GRIK2: variants seen among roughly 807,000 people sequenced by gnomAD.
The protein encoded by GRIK2 is glutamate receptor ionotropic, kainate 2.
Under a neutral mutation model 100.3 loss-of-function variants are expected in GRIK2, and 32 were observed. That is an observed-to-expected ratio of 0.32 (90% CI 0.24 to 0.43). The LOEUF (loss-of-function observed/expected upper bound fraction) is 0.43. Ranked by LOEUF, GRIK2 falls within the 20% of genes least tolerant of loss-of-function variation. The pLI is 1.00. For missense variants in GRIK2, 843 were observed against 1,114.9 expected (o/e 0.76, Z 3.47); for synonymous variants, 417 against 389.4 (o/e 1.07, Z -0.83).
chr6:101,548,811 G>A (rs575322557), intron 2 of GRIK2, among the ~76,000 whole-genome samples: 9 of 152,230 alleles, frequency 5.9e-5, no homozygotes, highest in South Asian at 4.1e-4. Flanking sequence ...TACAAAAATC[G>A]TATGAAGTAG....
chr6:101,482,840 A>G (rs1772605466), intron 2 of GRIK2, among the ~76,000 whole-genome samples: 1 of 152,002 alleles, frequency 6.6e-6, no homozygotes, highest in South Asian at 2.1e-4. Context: ...CAGCTGGTAT[A>G]ACCTTCTCTG....
chr6:101,545,253 T>C (rs2128290077), intron 2 of GRIK2, among the ~76,000 whole-genome samples: 1 of 152,304 alleles, frequency 6.6e-6, no homozygotes, highest in African/African-American at 2.4e-5. Context: ...AGTGCTTCTG[T>C]TATCTACCTC....
chr6:101,472,159 T>C (rs1270453269), intron 2 of GRIK2, among the ~76,000 whole-genome samples: 1 of 151,944 alleles, frequency 6.6e-6, no homozygotes, highest in Non-Finnish European at 1.5e-5. Flanking sequence ...TCTTTTATTT[T>C]TTTCAGATGG....
rs151223537 is a variant in GRIK2, at chr6:101,740,247, C to G, written c.951+53894C>G. On this transcript the variant is annotated intron_variant, in intron 7 of 16. Transcript: ENST00000369134. ...CTGCTCTCTGCACTGGCTTATCCTT[C>G]CCAAATACTCCATGTTTCTGAGTGG... is the stretch of plus-strand genomic sequence containing the variant. 2.1e-3 allele frequency among the ~76,000 whole-genome samples: 324 copies of G among 152,234 alleles called. 1 individual carries two copies. The highest frequency in any genetic ancestry group is 7.6e-3 in the African/African-American group (315 of 41,518).
chr6:101,522,533 C>T (rs1774928992), intron 2 of GRIK2, among the ~76,000 whole-genome samples: 1 of 152,060 alleles, frequency 6.6e-6, no homozygotes, highest in African/African-American at 2.4e-5. Context: ...CCTTCAATAG[C>T]TGCACAGAGA....
intron 2 of GRIK2, among the ~76,000 whole-genome samples, chr6:101,572,681 T>G (rs1016926988): frequency 6.6e-6 from 1 of 151,464 alleles, no homozygotes; most frequent in Non-Finnish European, 1.5e-5. Flanking sequence ...TACCCTGAGT[T>G]ATTGTGTTTC....
At chr6:101,475,471 A>G (rs1772179749) in intron 2 of GRIK2, among the ~76,000 whole-genome samples, 2 of 152,044 alleles carry the variant, frequency 1.3e-5, no homozygotes, top group Non-Finnish European at 1.5e-5. Context: ...ATTTTCAGCC[A>G]GTTTAAAAGT....
chr6:101,895,704 C>G (rs1006382280), intron 12 of GRIK2, among the ~76,000 whole-genome samples: 1 of 151,482 alleles, frequency 6.6e-6, no homozygotes, highest in Admixed American at 6.6e-5. Flanking sequence ...AACTTGCCAG[C>G]TTTTTACCAA....
chr6:101,515,071 CCA>C (rs1774516189), intron 2 of GRIK2, among the ~76,000 whole-genome samples: 1 of 152,056 alleles, frequency 6.6e-6, no homozygotes, highest in Non-Finnish European at 1.5e-5. Flanking sequence ...CGCCAAGTCC[CCA>C]GAGTCCACTG....
chr6:101,611,469 A>T (rs892422701), intron 2 of GRIK2, among the ~76,000 whole-genome samples: 2 of 151,746 alleles, frequency 1.3e-5, no homozygotes, highest in Admixed American at 6.6e-5. Context: ...TGCAGACAAA[A>T]TTTTCATTGG....
chr6:101,724,216 G>C (rs1343739909), intron 7 of GRIK2, among the ~76,000 whole-genome samples: 2 of 151,672 alleles, frequency 1.3e-5, no homozygotes, highest in East Asian at 3.9e-4. Flanking sequence ...TTTAGATTCA[G>C]GGGGTACATG....
chr6:101,792,327 A>T (rs180856170), intron 7 of GRIK2, among the ~76,000 whole-genome samples: 1 of 151,694 alleles, frequency 6.6e-6, no homozygotes, highest in African/African-American at 2.4e-5. Flanking sequence ...TTTTGGCATG[A>T]TTTTGCAGTG....
intron 9 of GRIK2, among the ~76,000 whole-genome samples, chr6:101,810,960 C>T (rs373057112): frequency 1.3e-5 from 2 of 152,026 alleles, no homozygotes; most frequent in East Asian, 3.9e-4. Flanking sequence ...AGTGTATATT[C>T]AGTCAATTGC....
At chr6:101,624,430 C>G (rs73761373) in intron 3 of GRIK2, among the ~76,000 whole-genome samples, 1,636 of 152,140 alleles carry the variant, frequency 0.011, 28 homozygotes, top group African/African-American at 0.037. Context: ...TATTTAAAAA[C>G]AATTTATTTA....
At chr6:101,906,445 C>T (rs1353891619) in intron 12 of GRIK2, among the ~76,000 whole-genome samples, 1 of 150,494 alleles carries the variant, frequency 6.6e-6, no homozygotes, top group Admixed American at 6.7e-5. Context: ...AAACCATTTA[C>T]TCCCAAATTT....
intron 2 of GRIK2, among the ~76,000 whole-genome samples, chr6:101,592,980 A>G (rs1778746185): frequency 6.6e-6 from 1 of 151,938 alleles, no homozygotes; most frequent in South Asian, 2.1e-4. Flanking sequence ...TACCAGATTA[A>G]TGATATAGGC....
intron 2 of GRIK2, among the ~76,000 whole-genome samples, chr6:101,437,805 GAC>G (rs917250443): frequency 6.6e-6 from 1 of 152,028 alleles, no homozygotes; most frequent in Non-Finnish European, 1.5e-5. Context: ...TAGAATAAAT[GAC>G]ACACAAATCA....
chr6:101,572,658 G>A (rs1379661057), intron 2 of GRIK2, among the ~76,000 whole-genome samples: 1 of 150,960 alleles, frequency 6.6e-6, no homozygotes, highest in Non-Finnish European at 1.5e-5. Context: ...TTTCTATGCT[G>A]TAGTTCAAAA....
intron 7 of GRIK2, among the ~76,000 whole-genome samples, chr6:101,765,590 AT>A (rs1777999317): frequency 6.6e-6 from 1 of 152,166 alleles, no homozygotes; most frequent in Non-Finnish European, 1.5e-5. Flanking sequence ...TAGTCCCAAA[AT>A]TAATCTGCCT....
Sources: gnomAD v4.1 joint callset for allele counts (sites outside exome capture counted in the v4.1 genomes callset) on GRCh38, gnomAD v4.1.1 for gene constraint, MANE v1.5 for transcripts, NCBI Gene and HGNC (gene_info 2026-07-23, HGNC 2026-07-21) for gene names.